The following FMO4 variants were observed in gnomAD, a reference collection of about 807,000 sequenced individuals.
The protein encoded by FMO4 is flavin containing dimethylaniline monoxygenase 4.
FMO4 carries 38 observed loss-of-function variants against 43.3 expected under a neutral mutation model. The observed-to-expected ratio is 0.88, with a 90% confidence interval of 0.68 to 1.15. The LOEUF (loss-of-function observed/expected upper bound fraction) is 1.15, where lower values mean the gene tolerates loss of function less well. FMO4 is among the 50% of genes most tolerant of loss of function. The pLI, the probability that FMO4 is intolerant of heterozygous loss-of-function variation, is 0.00. For missense variants in FMO4, 631 were observed against 663.3 expected (o/e 0.95, Z 0.54); for synonymous variants, 224 against 232.2 (o/e 0.96, Z 0.32).
At chr1:171,337,185 G>A (rs1019769702) in intron 8 of FMO4, among the ~76,000 whole-genome samples, 171 bp from the exon 9 acceptor site, 10 of 152,050 alleles carry the variant, frequency 6.6e-5, no homozygotes, top group East Asian at 1.9e-4. Flanking sequence ...TGAACTGGGC[G>A]GGGAATTTTA....
intron 7 of FMO4, among the ~76,000 whole-genome samples, chr1:171,333,843 T>C (rs1383386286): frequency 6.6e-6 from 1 of 152,222 alleles, no homozygotes; most frequent in South Asian, 2.1e-4. Flanking sequence ...TTTTTTTTAA[T>C]GGAGTCTCAC....
intron 3 of FMO4, among the ~76,000 whole-genome samples, chr1:171,320,462 C>T (rs933197281): frequency 6.6e-6 from 1 of 152,132 alleles, no homozygotes; most frequent in African/African-American, 2.4e-5. Flanking sequence ...TTCCCTGTCA[C>T]ATTTTCAGAA....
chr1:171,328,552 A>C (rs1662764498), intron 5 of FMO4, among the ~76,000 whole-genome samples: 1 of 151,972 alleles, frequency 6.6e-6, no homozygotes, highest in Non-Finnish European at 1.5e-5. Context: ...CAGGAGGCTG[A>C]GGCAGGAGAA....
chr1:171,327,539 AT>A (rs1051142977), intron 5 of FMO4, among the ~76,000 whole-genome samples: 4 of 149,328 alleles, frequency 2.7e-5, no homozygotes, highest in African/African-American at 4.9e-5. Context: ...TTGCCCAGGG[AT>A]TTTTTTTTTG....
intron 3 of FMO4, 50 bp downstream of exon 3, chr1:171,320,007 T>TG: frequency 6.2e-7 from 1 of 1,604,366 alleles, no homozygotes; most frequent in Non-Finnish European, 8.5e-7. Context: ...GCTTTGTCTC[T>TG]GCTCAGACAT....
At chr1:171,335,855 A>C (rs1283614028) in intron 8 of FMO4, among the ~76,000 whole-genome samples, 1 of 152,212 alleles carries the variant, frequency 6.6e-6, no homozygotes, top group Non-Finnish European at 1.5e-5. Context: ...AGGTCAGTTA[A>C]AGAGCTTTCA....
In FMO4 at chr1:171,332,781, AT is replaced by A; in HGVS notation, c.701del (p.Met234ArgfsTer19). The A allele has an allele frequency of 6.2e-7, 1 of 1,612,812 alleles. No individual in the cohort carries two copies. The highest frequency in any genetic ancestry group is 8.5e-7 in the Non-Finnish European group (1 of 1,178,914). On this transcript the variant is annotated frameshift_variant, in exon 7 of 10. Transcript: ENST00000367749. LOFTEE classifies it high-confidence loss of function. ...SSDWGYPYNM[M>X]VTRRCCSFIA... is the part of the protein sequence containing the mutation. ...AGATTGGGGCTATCCTTATAATATGATGGTTACAAGAAGATGCTGTAGTTTT... is the reference window on the plus strand; with the variant it reads ...AGATTGGGGCTATCCTTATAATATGAGGTTACAAGAAGATGCTGTAGTTTT...
At chr1:171,330,863 T>C (rs1427227298) in intron 5 of FMO4, among the ~76,000 whole-genome samples, 1 of 152,206 alleles carries the variant, frequency 6.6e-6, no homozygotes, top group Non-Finnish European at 1.5e-5. Context: ...ATTATAGCTG[T>C]GCTTCTATGG....
intron 9 of FMO4, among the ~76,000 whole-genome samples, chr1:171,339,085 C>A (rs1012681797): frequency 6.6e-6 from 1 of 152,138 alleles, no homozygotes; most frequent in East Asian, 1.9e-4. Flanking sequence ...ATAATGCCTT[C>A]ATATTAATAT....
rs773350727 is a variant in FMO4, at chr1:171,332,850, GA to G, written c.772del (p.Arg258GlyfsTer3). 1.4e-5 allele frequency: 22 copies of G among 1,605,232 alleles called. No homozygotes were observed. Among genetic ancestry groups the G allele is most frequent in the African/African-American group, 4.0e-5 (3 of 74,746 alleles). ...LPSRFLNWIQ[E>X]RKLNKRFNHE... is the part of the protein sequence containing the mutation. ...TTCACGTTTTCTAAACTGGATTCAA[GA>G]AAGGAAGTTGAATAAGAGATTTAAT... is the stretch of plus-strand genomic sequence containing the variant. On this transcript the variant is annotated frameshift_variant, in exon 7 of 10. Coordinates refer to ENST00000367749, the MANE Select transcript of FMO4 (RefSeq NM_002022.3). LOFTEE classifies it high-confidence loss of function.
intron 6 of FMO4, 60 bp downstream of exon 6, chr1:171,331,842 G>A: frequency 3.3e-6 from 5 of 1,496,480 alleles, no homozygotes; most frequent in East Asian, 2.3e-5. Flanking sequence ...GCTGGAAAGA[G>A]ATATTCAAAA....
intron 2 of FMO4, among the ~76,000 whole-genome samples, 186 bp downstream of exon 2, chr1:171,316,513 T>C (rs919889706): frequency 6.6e-6 from 1 of 152,190 alleles, no homozygotes; most frequent in Non-Finnish European, 1.5e-5. Context: ...CAAACAATCC[T>C]TCAACATAGA....
intron 7 of FMO4, among the ~76,000 whole-genome samples, chr1:171,333,482 C>A (rs536561988): frequency 6.6e-6 from 1 of 152,144 alleles, no homozygotes; most frequent in Admixed American, 6.5e-5. Context: ...CCTCGGCCTC[C>A]CAAAGTGCTG....
At chr1:171,320,527 G>A (rs553114818) in intron 3 of FMO4, among the ~76,000 whole-genome samples, 7 of 152,242 alleles carry the variant, frequency 4.6e-5, no homozygotes, top group Admixed American at 6.5e-5. Flanking sequence ...ATTTAGCCTC[G>A]GAGGCTACAC....
At chr1:171,333,802 T>C (rs1228716029) in intron 7 of FMO4, among the ~76,000 whole-genome samples, 1 of 152,120 alleles carries the variant, frequency 6.6e-6, no homozygotes, top group African/African-American at 2.4e-5. Flanking sequence ...GGTAGAATGA[T>C]GGTCACACTG....
intron 3 of FMO4, 24 bp downstream of exon 3, chr1:171,319,981 C>T (rs563120821): frequency 1.2e-6 from 2 of 1,612,674 alleles, no homozygotes; most frequent in Admixed American, 3.3e-5. Context: ...CTCTATCAGT[C>T]ATGATCTGGC....
chr1:171,324,095 C>T, intron 4 of FMO4, 43 bp from the exon 5 acceptor site: 1 of 1,559,280 alleles, frequency 6.4e-7, no homozygotes, highest in Non-Finnish European at 8.7e-7. Context: ...GCATGAGGTC[C>T]AAGGGTGTTA....
chr1:171,324,891 G>GCAGGAGATCACTT (rs151050375), intron 5 of FMO4, among the ~76,000 whole-genome samples: 6,666 of 152,140 alleles, frequency 0.044, 466 homozygotes, highest in African/African-American at 0.15. Flanking sequence ...GGAGGCCGAG[G>GCAGGAGATCACTT]GAGGCCAGAA....
At chr1:171,322,470 T>A (rs974312893) in intron 3 of FMO4, among the ~76,000 whole-genome samples, 1 of 152,132 alleles carries the variant, frequency 6.6e-6, no homozygotes, top group Non-Finnish European at 1.5e-5. Flanking sequence ...GTTTGAAAAA[T>A]ATATTGATTT....
Sources: gnomAD v4.1 joint callset for allele counts (sites outside exome capture counted in the v4.1 genomes callset) on GRCh38, gnomAD v4.1.1 for gene constraint, MANE v1.5 for transcripts, NCBI Gene and HGNC (gene_info 2026-07-23, HGNC 2026-07-21) for gene names.